Variants in TTLL13 observed in about 807,000 individuals in gnomAD.
The protein encoded by TTLL13 is tubulin polyglutamylase TTLL13.
the TTLL13 span, among the ~76,000 whole-genome samples, chr15:90,256,872 G>A: frequency 1.3e-5 from 2 of 151,754 alleles, no homozygotes; most frequent in Non-Finnish European, 2.9e-5. Context: ...ATTTTTAGTA[G>A]AGACGGGGTT....
the TTLL13 span, chr15:90,253,156 G>T: frequency 5.6e-6 from 5 of 898,500 alleles, no homozygotes; most frequent in Admixed American, 4.3e-5. Flanking sequence ...CCTGCCCTCG[G>T]GTCAGGTGTA....
At chr15:90,253,286 G>T in the TTLL13 span, 1 of 1,613,834 alleles carries the variant, frequency 6.2e-7, no homozygotes, top group Non-Finnish European at 8.5e-7. Context: ...TGAAGGAGGT[G>T]GGGGAGGATG....
At chr15:90,250,985 T>G in the TTLL13 span, 1 of 1,462,846 alleles carries the variant, frequency 6.8e-7, no homozygotes, top group Non-Finnish European at 9.2e-7. Flanking sequence ...AGATCTTCCC[T>G]TTAGCCTACA....
the TTLL13 span, chr15:90,255,618 G>A: frequency 1.4e-5 from 17 of 1,258,034 alleles, no homozygotes; most frequent in Non-Finnish European, 1.7e-5. Context: ...TTGCCCTTGG[G>A]GTCCTTGGTG....
chr15:90,255,545 A>T, the TTLL13 span, among the ~76,000 whole-genome samples: 1 of 151,836 alleles, frequency 6.6e-6, no homozygotes, highest in African/African-American at 2.4e-5. Context: ...CTCAGTGTGG[A>T]TGTGTGTGTT....
the TTLL13 span, chr15:90,255,653 C>G: frequency 6.5e-7 from 1 of 1,539,988 alleles, no homozygotes; most frequent in Non-Finnish European, 8.9e-7. Flanking sequence ...ACTGTGACTT[C>G]TCCCTTAACC....
chr15:90,262,573 C>T, the TTLL13 span: 6 of 1,534,818 alleles, frequency 3.9e-6, no homozygotes, highest in African/African-American at 1.4e-5. Flanking sequence ...GGGACCAGAA[C>T]CAGGGTGAAT....
At chr15:90,258,303 G>T in the TTLL13 span, 1 of 1,589,092 alleles carries the variant, frequency 6.3e-7, no homozygotes, top group Admixed American at 1.7e-5. Flanking sequence ...GCAAAACCAA[G>T]GTCCAGAGGC....
chr15:90,261,518 T>C, the TTLL13 span, among the ~76,000 whole-genome samples: 5 of 151,592 alleles, frequency 3.3e-5, no homozygotes, highest in Non-Finnish European at 5.9e-5. Flanking sequence ...TCAGGCCGAG[T>C]ACGGTGGCTC....
At chr15:90,249,963 A>ATTTATTTT in the TTLL13 span, among the ~76,000 whole-genome samples, 1 of 151,430 alleles carries the variant, frequency 6.6e-6, no homozygotes, top group East Asian at 1.9e-4. Context: ...TTATTTATTT[A>ATTTATTTT]TTTATTTATT....
At chr15:90,256,088 C>T in the TTLL13 span, 29,008 of 1,598,110 alleles carry the variant, frequency 0.018, 323 homozygotes, top group Non-Finnish European at 0.021. Flanking sequence ...CATGCGGCCC[C>T]GGGAAAGCCT....
At chr15:90,262,673 C>A in the TTLL13 span, 1 of 1,477,048 alleles carries the variant, frequency 6.8e-7, no homozygotes. Context: ...GAAAGAGGTG[C>A]CAGGGGTTTT....
chr15:90,258,367 A>T, the TTLL13 span: 3 of 1,055,302 alleles, frequency 2.8e-6, no homozygotes, highest in East Asian at 4.7e-5. Flanking sequence ...GGAACACAGA[A>T]TGGGAGATGT....
chr15:90,259,747 A>T, the TTLL13 span, among the ~76,000 whole-genome samples: 1 of 152,258 alleles, frequency 6.6e-6, no homozygotes, highest in African/African-American at 2.4e-5. Context: ...TGTCATAAAG[A>T]AACACAGAAA....
the TTLL13 span, among the ~76,000 whole-genome samples, chr15:90,261,170 C>T: frequency 6.6e-6 from 1 of 151,172 alleles, no homozygotes; most frequent in Middle Eastern, 3.4e-3. Flanking sequence ...CTTCCACCTC[C>T]TGGGTTCAAA....
chr15:90,263,199 C>G, the TTLL13 span: 3 of 1,438,236 alleles, frequency 2.1e-6, no homozygotes, highest in Non-Finnish European at 2.8e-6. Context: ...GCTGTCATTC[C>G]AGGACATGGT....
the TTLL13 span, chr15:90,263,392 C>T: frequency 2.0e-6 from 1 of 509,924 alleles, no homozygotes; most frequent in African/African-American, 1.9e-5. Context: ...TTACAGGAAA[C>T]TTGCTCTCTA....
the TTLL13 span, chr15:90,265,196 T>G: frequency 7.4e-7 from 1 of 1,343,950 alleles, no homozygotes; most frequent in Non-Finnish European, 9.7e-7. Context: ...AGGCCAGCCA[T>G]GTACTCATTT....
chr15:90,251,257 G>A, the TTLL13 span, among the ~76,000 whole-genome samples: 11 of 149,018 alleles, frequency 7.4e-5, no homozygotes, highest in African/African-American at 2.2e-4. Context: ...GGGACTACAG[G>A]CACCTGCCAC....
Sources: gnomAD v4.1 joint callset for allele counts (sites outside exome capture counted in the v4.1 genomes callset) on GRCh38, gnomAD v4.1.1 for gene constraint, MANE v1.5 for transcripts, NCBI Gene and HGNC (gene_info 2026-07-23, HGNC 2026-07-21) for gene names.